Variants in CBLN2 observed in about 807,000 individuals in gnomAD.
The protein encoded by CBLN2 is cerebellin 2 precursor, also known as cerebellin-2.
Under a neutral mutation model 15.0 loss-of-function variants are expected in CBLN2, and 7 were observed. The ratio of observed to expected loss-of-function variants is 0.47; its 90% CI spans 0.27 to 0.88. The LOEUF is 0.88. Among genes scored for constraint, CBLN2 ranks in the 40% least tolerant of loss-of-function variants. CBLN2 has a pLI of 0.14. For missense variants in CBLN2, 242 were observed against 304.5 expected, an observed-to-expected ratio of 0.79 and a Z score of 1.53; for synonymous variants, 149 against 135.2, an observed-to-expected ratio of 1.10 and a Z score of -0.71.
intron 1 of CBLN2, among the ~76,000 whole-genome samples, chr18:72,605,745 C>A (rs1161914865): frequency 6.6e-6 from 1 of 152,208 alleles, no homozygotes; most frequent in African/African-American, 2.4e-5. Context: ...AATTTTCCCT[C>A]CTTAGGAGAG....
intron 1 of CBLN2, among the ~76,000 whole-genome samples, chr18:72,630,060 A>C (rs2069764807): frequency 6.6e-6 from 1 of 152,218 alleles, no homozygotes; most frequent in Non-Finnish European, 1.5e-5. Context: ...ATATAGTAGA[A>C]GTATCTGACT....
At chr18:72,604,845 C>T (rs965477400) in intron 1 of CBLN2, among the ~76,000 whole-genome samples, 1 of 152,212 alleles carries the variant, frequency 6.6e-6, no homozygotes, top group African/African-American at 2.4e-5. Context: ...GAAATAAATC[C>T]TTGTAAATTA....
intron 1 of CBLN2, among the ~76,000 whole-genome samples, chr18:72,561,874 T>C (rs1490064452): frequency 1.3e-5 from 2 of 152,206 alleles, no homozygotes; most frequent in Admixed American, 1.3e-4. Context: ...ATGTGAATTA[T>C]TATATGTCAG....
At chr18:72,566,012 A>C (rs574552776) in intron 1 of CBLN2, among the ~76,000 whole-genome samples, 1 of 152,324 alleles carries the variant, frequency 6.6e-6, no homozygotes, top group Non-Finnish European at 1.5e-5. Flanking sequence ...CAAAAGAGCT[A>C]AGTAGACATT....
intron 1 of CBLN2, among the ~76,000 whole-genome samples, chr18:72,562,579 T>C (rs1271379748): frequency 1.3e-5 from 2 of 152,212 alleles, no homozygotes; most frequent in Non-Finnish European, 2.9e-5. Context: ...CTTGACTAGC[T>C]TTGGTATAAA....
At chr18:72,637,493 G>A (rs1479891425) in intron 1 of CBLN2, among the ~76,000 whole-genome samples, 1 of 152,188 alleles carries the variant, frequency 6.6e-6, no homozygotes, top group Non-Finnish European at 1.5e-5. Context: ...ACAGAGGCTG[G>A]CGTGAATAGA....
At chr18:72,616,545 G>A (rs1417417692) in intron 1 of CBLN2, among the ~76,000 whole-genome samples, 2 of 152,168 alleles carry the variant, frequency 1.3e-5, no homozygotes, top group Non-Finnish European at 2.9e-5. Flanking sequence ...CCCACTGGTA[G>A]TGTGGAAAGG....
intron 1 of CBLN2, among the ~76,000 whole-genome samples, chr18:72,575,268 C>G (rs1025226016): frequency 6.6e-6 from 1 of 151,844 alleles, no homozygotes; most frequent in Admixed American, 6.6e-5. Context: ...TGAGTGAGGT[C>G]GGGTGTGTGC....
intron 1 of CBLN2, among the ~76,000 whole-genome samples, chr18:72,586,678 C>A (rs112971534): frequency 2.0e-5 from 3 of 152,064 alleles, no homozygotes; most frequent in Non-Finnish European, 4.4e-5. Context: ...TCACACAGTA[C>A]GTTAGTGACT....
intron 1 of CBLN2, among the ~76,000 whole-genome samples, chr18:72,617,908 T>C (rs1484522511): frequency 1.3e-5 from 2 of 151,868 alleles, no homozygotes; most frequent in African/African-American, 2.4e-5. Context: ...TGTTGTAAAA[T>C]AAAATGACTG....
intron 1 of CBLN2, among the ~76,000 whole-genome samples, chr18:72,585,635 G>T (rs774741026): frequency 2.0e-5 from 3 of 152,170 alleles, no homozygotes; most frequent in Non-Finnish European, 2.9e-5. Flanking sequence ...CCAGCCACCA[G>T]GCCTCAGGCC....
At chr18:72,554,680 A>T (rs2069213318) in intron 1 of CBLN2, among the ~76,000 whole-genome samples, 1 of 152,174 alleles carries the variant, frequency 6.6e-6, no homozygotes, top group Non-Finnish European at 1.5e-5. Context: ...CTAAAAACTC[A>T]GTGACAAAAA....
At chr18:72,611,391 C>T (rs956999925) in intron 1 of CBLN2, among the ~76,000 whole-genome samples, 2 of 152,174 alleles carry the variant, frequency 1.3e-5, no homozygotes, top group African/African-American at 4.8e-5. Flanking sequence ...TTCTCTGCAG[C>T]CTCACCAGCA....
In CBLN2 at chr18:72,543,317, A is replaced by C; in HGVS notation, c.-167+169T>G. Reference sequence around the variant, plus strand: ...CTTCCAGTATTCTTTCTAAGAACAGAGAAGTTGGCTCTTGATAAATATCCG... The same window carrying C: ...CTTCCAGTATTCTTTCTAAGAACAGCGAAGTTGGCTCTTGATAAATATCCG... On this transcript the variant is annotated intron_variant, in intron 2 of 4. Transcript: ENST00000269503. This position sits in a 1 kb window ranked among gnomAD's most constrained non-coding sequence, Gnocchi z 6.8. 1 of 384,388 alleles carries C rather than the reference A, an allele frequency of 2.6e-6. No individual in the cohort carries two copies. The highest frequency in any genetic ancestry group is 4.6e-6 in the Non-Finnish European group (1 of 217,318). The allele number at this position is 384,388 out of a possible 1,614,324, so 23.8% of individuals were successfully genotyped here.
chr18:72,634,276 G>A (rs2069797329), intron 1 of CBLN2, among the ~76,000 whole-genome samples: 1 of 151,928 alleles, frequency 6.6e-6, no homozygotes, highest in Non-Finnish European at 1.5e-5. Flanking sequence ...TATTACTGTA[G>A]GAGCCTATGA....
chr18:72,559,446 T>C (rs2069246499), intron 1 of CBLN2, among the ~76,000 whole-genome samples: 1 of 152,200 alleles, frequency 6.6e-6, no homozygotes, highest in Non-Finnish European at 1.5e-5. Context: ...AGTCGCGCCA[T>C]TTTGGATTTG....
rs1028506931 is a variant in CBLN2, at chr18:72,631,972, C to T, written c.15+6353G>A. Among the ~76,000 whole-genome samples, 2 of 151,060 alleles carry T rather than the reference C, an allele frequency of 1.3e-5. 1 individual carries two copies. The highest frequency in any genetic ancestry group is 6.9e-3 in the Middle Eastern group (2 of 290). The stretch of plus-strand genomic sequence containing the variant: ...TATGCCTTTTTGAATTAAAATTAGA[C>T]TTATCTCCACTTTAGGCTATTTTCT... On this transcript the variant is annotated intron_variant, in intron 1 of 2. Transcript: ENST00000581073.
intron 1 of CBLN2, among the ~76,000 whole-genome samples, chr18:72,601,790 G>T (rs545302046): frequency 1.3e-5 from 2 of 152,236 alleles, no homozygotes; most frequent in South Asian, 2.1e-4. Context: ...CGGGAGGGGG[G>T]CTCCAGCGCT....
chr18:72,630,516 A>ACC (rs1415146133), intron 1 of CBLN2, among the ~76,000 whole-genome samples: 1 of 142,710 alleles, frequency 7.0e-6, no homozygotes, highest in Non-Finnish European at 1.5e-5. Context: ...ACACACACAC[A>ACC]CACACCCTGC....
Sources: gnomAD v4.1 joint callset for allele counts (sites outside exome capture counted in the v4.1 genomes callset) on GRCh38, gnomAD v4.1.1 for gene constraint, Gnocchi (gnomAD v3.1) non-coding constraint, MANE v1.5 for transcripts, NCBI Gene and HGNC (gene_info 2026-07-23, HGNC 2026-07-21) for gene names.